The following STX8 variants were observed in gnomAD, a reference collection of about 807,000 sequenced individuals.
The protein encoded by STX8 is syntaxin 8.
In STX8, 23 loss-of-function variants were observed where a neutral mutation model predicts 37.5. The observed-to-expected ratio is 0.61, with a 90% CI of 0.44 to 0.87. The LOEUF is 0.87. Among genes scored for constraint, STX8 ranks in the 40% least tolerant of loss-of-function variants. STX8 has a pLI of 0.00. For synonymous variants in STX8, 115 were observed against 99.1 expected (o/e 1.16, Z -0.95); for missense variants, 313 against 284.7 (o/e 1.10, Z -0.71).
At chr17:9,499,492 G>C (rs7207365) in intron 5 of STX8, among the ~76,000 whole-genome samples, 1 of 152,016 alleles carries the variant, frequency 6.6e-6, no homozygotes, top group African/African-American at 2.4e-5. Context: ...TCCGCCTCCC[G>C]AGTTCAAGCC....
chr17:9,302,946 G>A (rs935678859), intron 7 of STX8, among the ~76,000 whole-genome samples: 1 of 145,114 alleles, frequency 6.9e-6, no homozygotes, highest in Non-Finnish European at 1.5e-5. Flanking sequence ...ATTGGTCACC[G>A]AAAAATGGTG....
intron 7 of STX8, among the ~76,000 whole-genome samples, chr17:9,330,448 C>T (rs144355690): frequency 5.6e-4 from 86 of 152,344 alleles, no homozygotes; most frequent in Non-Finnish European, 1.2e-3. Flanking sequence ...GGTCTACACA[C>T]AAAGCCTCCG....
chr17:9,328,073 C>T (rs1322436088), intron 7 of STX8, among the ~76,000 whole-genome samples: 1 of 148,130 alleles, frequency 6.8e-6, no homozygotes, highest in African/African-American at 2.5e-5. Flanking sequence ...CTCTTTCTTT[C>T]TTTTCTTTTC....
intron 6 of STX8, among the ~76,000 whole-genome samples, chr17:9,407,322 C>T (rs901058903): frequency 3.9e-5 from 6 of 152,170 alleles, no homozygotes; most frequent in African/African-American, 1.4e-4. Flanking sequence ...AGCCACCCCA[C>T]CTGGCCCCAG....
chr17:9,251,809 T>A (rs1169347491), intron 7 of STX8, among the ~76,000 whole-genome samples: 1 of 152,200 alleles, frequency 6.6e-6, no homozygotes, highest in African/African-American at 2.4e-5. Flanking sequence ...GCCATACCAA[T>A]CTTAAGCTCA....
At chr17:9,302,670 GC>G (rs1378642876) in intron 7 of STX8, among the ~76,000 whole-genome samples, 2 of 152,078 alleles carry the variant, frequency 1.3e-5, no homozygotes, top group African/African-American at 4.8e-5. Context: ...CCATGACCTG[GC>G]TTTGACCAAG....
At chr17:9,441,769 G>A (rs1359970992) in intron 6 of STX8, among the ~76,000 whole-genome samples, 7 of 144,932 alleles carry the variant, frequency 4.8e-5, no homozygotes, top group South Asian at 4.6e-4. Flanking sequence ...TCCGCCTCCC[G>A]GGTTCACACC....
At chr17:9,529,301 G>GT (rs915914294) in intron 4 of STX8, among the ~76,000 whole-genome samples, 2 of 152,076 alleles carry the variant, frequency 1.3e-5, no homozygotes, top group African/African-American at 4.8e-5. Flanking sequence ...GCATGTGTGT[G>GT]TATCTGTATG....
intron 3 of STX8, among the ~76,000 whole-genome samples, chr17:9,550,503 G>C (rs1906719570): frequency 6.6e-6 from 1 of 151,972 alleles, no homozygotes; most frequent in Non-Finnish European, 1.5e-5. Context: ...GAACCCGGGA[G>C]GTGGAGCTTG....
At chr17:9,400,973 A>T (rs1444302859) in intron 6 of STX8, among the ~76,000 whole-genome samples, 1 of 152,176 alleles carries the variant, frequency 6.6e-6, no homozygotes, top group African/African-American at 2.4e-5. Context: ...CTCATGAAAT[A>T]TCTAGACCCG....
At chr17:9,287,008 T>C (rs780005895) in intron 7 of STX8, among the ~76,000 whole-genome samples, 23 of 152,204 alleles carry the variant, frequency 1.5e-4, no homozygotes, top group Non-Finnish European at 1.0e-4. Flanking sequence ...GGATGATGTA[T>C]GTCATGTGTT....
intron 7 of STX8, among the ~76,000 whole-genome samples, chr17:9,334,785 T>C (rs2142222432): frequency 6.6e-6 from 1 of 152,102 alleles, no homozygotes; most frequent in East Asian, 1.9e-4. Context: ...GGTGGAAGGG[T>C]GGAAGGCATA....
intron 6 of STX8, among the ~76,000 whole-genome samples, chr17:9,428,402 G>A (rs1045231201): frequency 4.6e-5 from 7 of 152,206 alleles, no homozygotes; most frequent in Middle Eastern, 3.4e-3. Flanking sequence ...CACCACGCCC[G>A]GCTAATTTTT....
intron 7 of STX8, among the ~76,000 whole-genome samples, chr17:9,272,156 C>T (rs1441540371): frequency 3.3e-5 from 5 of 152,222 alleles, no homozygotes; most frequent in Non-Finnish European, 7.3e-5. Context: ...TGTGTGGGAC[C>T]AACAGCAGCA....
chr17:9,558,968 CA>C (rs1210899612), intron 2 of STX8, among the ~76,000 whole-genome samples: 2 of 151,952 alleles, frequency 1.3e-5, no homozygotes, highest in Non-Finnish European at 2.9e-5. Context: ...AATTATGGCT[CA>C]AATCTCTATT....
intron 7 of STX8, among the ~76,000 whole-genome samples, chr17:9,309,027 C>T (rs1417529587): frequency 2.0e-5 from 3 of 151,246 alleles, no homozygotes; most frequent in Admixed American, 1.3e-4. Context: ...TTGTTTGCTT[C>T]CAATAAGCAG....
At chr17:9,473,097 C>T (rs1036430357) in intron 6 of STX8, among the ~76,000 whole-genome samples, 14 of 151,132 alleles carry the variant, frequency 9.3e-5, no homozygotes, top group South Asian at 2.1e-4. Flanking sequence ...GGCTGGAGTG[C>T]GGTGGCACAA....
chr17:9,541,775 G>C (rs147402039), intron 4 of STX8, among the ~76,000 whole-genome samples: 54 of 152,266 alleles, frequency 3.5e-4, no homozygotes, highest in African/African-American at 1.3e-3. Flanking sequence ...GCATTATAAA[G>C]AGCTCCTGAG....
intron 7 of STX8, among the ~76,000 whole-genome samples, chr17:9,351,663 T>C (rs1259353254): frequency 2.0e-5 from 3 of 152,170 alleles, no homozygotes; most frequent in East Asian, 3.8e-4. Flanking sequence ...AATCAGAAAC[T>C]GTATTTAGTT....
Sources: gnomAD v4.1 joint callset for allele counts (sites outside exome capture counted in the v4.1 genomes callset) on GRCh38, gnomAD v4.1.1 for gene constraint, MANE v1.5 for transcripts, NCBI Gene and HGNC (gene_info 2026-07-23, HGNC 2026-07-21) for gene names.